MAGI2: variants seen among roughly 807,000 people sequenced by gnomAD.
MAGI2 encodes the protein membrane associated guanylate kinase, WW and PDZ domain containing 2.
A neutral mutation model predicts 133.3 loss-of-function variants in MAGI2; 35 were observed. That is an observed-to-expected ratio of 0.26 (90% CI 0.20 to 0.35). MAGI2 has a LOEUF of 0.35. MAGI2 is among the 10% of genes least tolerant of loss of function. The pLI is 1.00. For synonymous variants in MAGI2, 729 were observed against 710.6 expected (o/e 1.03, Z -0.41); for missense variants, 1,636 against 1,863.4 (o/e 0.88, Z 2.25).
At chr7:78,891,647 A>C (rs914389856) in intron 2 of MAGI2, among the ~76,000 whole-genome samples, 1 of 152,238 alleles carries the variant, frequency 6.6e-6, no homozygotes, top group Non-Finnish European at 1.5e-5. Context: ...ATCTCAATAG[A>C]TGCAGAAAAG....
chr7:78,829,726 T>C (rs982002678), intron 2 of MAGI2, among the ~76,000 whole-genome samples: 1 of 152,094 alleles, frequency 6.6e-6, no homozygotes, highest in Non-Finnish European at 1.5e-5. Flanking sequence ...ATTTTTCACA[T>C]AGAGCTGACA....
intron 1 of MAGI2, among the ~76,000 whole-genome samples, chr7:79,161,136 T>C (rs967752126): frequency 5.9e-5 from 9 of 152,156 alleles, no homozygotes; most frequent in African/African-American, 2.2e-4. Context: ...ATAAGGTAGT[T>C]GTAACCCCTT....
At chr7:79,437,744 A>T (rs1039455271) in intron 1 of MAGI2, among the ~76,000 whole-genome samples, 1 of 152,164 alleles carries the variant, frequency 6.6e-6, no homozygotes, top group East Asian at 1.9e-4. Flanking sequence ...GACTGAAACC[A>T]TATAGCTGAT....
At chr7:78,361,318 G>T (rs143255987) in intron 7 of MAGI2, among the ~76,000 whole-genome samples, 1 of 151,806 alleles carries the variant, frequency 6.6e-6, no homozygotes, top group Non-Finnish European at 1.5e-5. Flanking sequence ...GCTTGAAACC[G>T]GGAGGCGGAG....
chr7:79,117,651 T>G (rs756385934), intron 1 of MAGI2, among the ~76,000 whole-genome samples: 2 of 152,222 alleles, frequency 1.3e-5, no homozygotes, highest in African/African-American at 2.4e-5. Context: ...GCAGAAATTA[T>G]TACTACACAA....
chr7:79,083,275 C>G (rs1816206153), intron 1 of MAGI2, among the ~76,000 whole-genome samples: 1 of 146,942 alleles, frequency 6.8e-6, no homozygotes. Context: ...GGGGAAAACA[C>G]TAGTTTTTCA....
intron 6 of MAGI2, among the ~76,000 whole-genome samples, chr7:78,434,600 CTACTT>C (rs967112873): frequency 3.7e-4 from 57 of 152,252 alleles, no homozygotes; most frequent in African/African-American, 1.2e-3. Flanking sequence ...AGGGATGACT[CTACTT>C]TACTCCATCT....
chr7:78,806,279 A>G (rs1788569819), intron 2 of MAGI2, among the ~76,000 whole-genome samples: 1 of 152,160 alleles, frequency 6.6e-6, no homozygotes, highest in Admixed American at 6.5e-5. Context: ...CTTCATAGAT[A>G]AAATGTGAAT....
intron 7 of MAGI2, among the ~76,000 whole-genome samples, chr7:78,366,360 T>A (rs1447739452): frequency 6.6e-6 from 1 of 152,140 alleles, no homozygotes; most frequent in African/African-American, 2.4e-5. Flanking sequence ...AGATAGCAAC[T>A]TAACTTAGAC....
rs55707442 is a variant in MAGI2 at position 78,527,006 on chromosome 7, C to CAAAAAAAAA, written c.539-5370_539-5362dup. 1.2e-3 allele frequency among the ~76,000 whole-genome samples: 56 copies of CAAAAAAAAA among 45,424 alleles called. 1 individual carries two copies. Among genetic ancestry groups the CAAAAAAAAA allele is most frequent in the African/African-American group, 2.0e-3 (29 of 14,642 alleles). The allele number at this position is 45,424 out of a possible 152,430, so 29.8% of individuals were successfully genotyped here. On this transcript the variant is annotated intron_variant, in intron 3 of 21. Transcript: ENST00000354212. ...ATGGTGACAGGGCAAGACTCCATCT[C>CAAAAAAAAA]AAAAAAAAAAAAAAAAAAAAAAAAA...
At chr7:78,893,558 T>G (rs1796947331) in intron 2 of MAGI2, among the ~76,000 whole-genome samples, 1 of 152,058 alleles carries the variant, frequency 6.6e-6, no homozygotes, top group African/African-American at 2.4e-5. Flanking sequence ...CCATAAAAAA[T>G]GATGAGTTCA....
At chr7:79,330,118 C>T (rs1182915998) in intron 1 of MAGI2, among the ~76,000 whole-genome samples, 1 of 149,258 alleles carries the variant, frequency 6.7e-6, no homozygotes, top group African/African-American at 2.5e-5. Context: ...CTAAACGTGC[C>T]ATGAAGAATG....
chr7:79,064,864 C>A (rs758025949), intron 1 of MAGI2, among the ~76,000 whole-genome samples: 51 of 152,030 alleles, frequency 3.4e-4, no homozygotes, highest in Non-Finnish European at 4.4e-5. Flanking sequence ...CTGTAATATT[C>A]TTGAAATAAT....
intron 2 of MAGI2, among the ~76,000 whole-genome samples, chr7:78,834,216 C>T (rs971629405): frequency 7.2e-5 from 11 of 152,122 alleles, no homozygotes; most frequent in Admixed American, 7.2e-4. Context: ...TCATGTACTG[C>T]AAAATTTACC....
intron 20 of MAGI2, among the ~76,000 whole-genome samples, chr7:78,102,999 T>C (rs2151249528): frequency 6.6e-6 from 1 of 152,318 alleles, no homozygotes; most frequent in African/African-American, 2.4e-5. Flanking sequence ...GATAGGGCCA[T>C]GTCTTCTGTC....
intron 2 of MAGI2, among the ~76,000 whole-genome samples, chr7:78,688,103 A>G (rs1299877596): frequency 1.3e-5 from 2 of 152,086 alleles, no homozygotes; most frequent in Non-Finnish European, 2.9e-5. Context: ...TAGCATATTA[A>G]AGAGTATGTA....
chr7:78,793,955 T>G (rs1787388434), intron 2 of MAGI2, among the ~76,000 whole-genome samples: 1 of 152,228 alleles, frequency 6.6e-6, no homozygotes, highest in African/African-American at 2.4e-5. Context: ...TGCTGTATCT[T>G]CTGTGCAGTT....
In MAGI2 at chr7:78,954,223, A is replaced by G. The variant is rs549708146; in HGVS notation, c.418+52867T>C. Among the ~76,000 whole-genome samples, 4 of 152,230 alleles carry G rather than the reference A, an allele frequency of 2.6e-5. No homozygotes were observed. The South Asian group carries it at 8.3e-4, about 32-fold the overall frequency. Reference sequence around the variant, plus strand: ...CCCCGGAGAGCACTGCCAAATGTCTACTTCTTATGGAGAACCCCTTTTCAG... The same window carrying G: ...CCCCGGAGAGCACTGCCAAATGTCTGCTTCTTATGGAGAACCCCTTTTCAG... On this transcript the variant is annotated intron_variant, in intron 2 of 21. Coordinates refer to ENST00000354212, the MANE Select transcript of MAGI2 (RefSeq NM_012301.4).
intron 2 of MAGI2, among the ~76,000 whole-genome samples, chr7:78,888,385 T>C (rs997213432): frequency 6.6e-6 from 1 of 152,124 alleles, no homozygotes; most frequent in African/African-American, 2.4e-5. Flanking sequence ...AGAGTAGCGG[T>C]TCTCCCAGCA....
Sources: gnomAD v4.1 joint callset for allele counts (sites outside exome capture counted in the v4.1 genomes callset) on GRCh38, gnomAD v4.1.1 for gene constraint, MANE v1.5 for transcripts, NCBI Gene and HGNC (gene_info 2026-07-23, HGNC 2026-07-21) for gene names.